The following IL31 variants were observed in gnomAD, a reference collection of about 807,000 sequenced individuals.
IL31 encodes interleukin-31.
A neutral mutation model predicts 7.8 loss-of-function variants in IL31; 8 were observed. That is an observed-to-expected ratio of 1.02 (90% CI 0.60 to 1.84). The LOEUF is 1.84. IL31 is among the 40% of genes most tolerant of loss of function. IL31 has a pLI of 0.00. For missense variants in IL31, 162 were observed against 205.6 expected (o/e 0.79, Z 1.30); for synonymous variants, 87 against 86.5 (o/e 1.01, Z -0.03).
chr12:122,172,325 G>T lies in IL31; in HGVS notation c.*87C>A. 1.1e-6 allele frequency: 1 copy of T among 944,972 alleles called. No homozygotes were observed. Among genetic ancestry groups the T allele is most frequent in the Non-Finnish European group, 1.6e-6 (1 of 612,558 alleles). The allele number at this position is 944,972 out of a possible 1,614,324, so 58.5% of individuals were successfully genotyped here. A position where few individuals can be genotyped will look rare whatever the true frequency, so the allele number is the denominator to read the frequency against. ...TATTCATTGGAAAAATGTACTTAAGGAATCACGGCAGAGTTCCCACACTTA... is the reference window on the plus strand; with the variant it reads ...TATTCATTGGAAAAATGTACTTAAGTAATCACGGCAGAGTTCCCACACTTA... On this transcript the variant is annotated 3_prime_UTR_variant, in exon 3 of 3. Coordinates refer to ENST00000377035, the MANE Select transcript of IL31 (RefSeq NM_001014336.2).
Position 122,172,635 on chromosome 12 carries a change from T to A in IL31, c.272A>T (p.Tyr91Phe). The change falls in exon 3 of 3, where the codon TAT becomes TTT. Residue 91 changes from tyrosine to phenylalanine, a missense_variant. By Grantham distance (22) the Tyr-to-Phe change is conservative (BLOSUM62 3). Transcript: ENST00000377035. ...GTCTAGCTGTCTGATTGTCTTGAGA[T>A]ATGCCCGGATGGCTGGGCTGTGGAT... is the stretch of plus-strand genomic sequence containing the variant. ...NNIHSPAIRAYLKTIRQLDNK... is the reference protein window; with the variant it reads ...NNIHSPAIRAFLKTIRQLDNK... The A allele has an allele frequency of 1.9e-6, 3 of 1,614,192 alleles. No homozygotes were observed. The highest frequency in any genetic ancestry group is 2.5e-6 in the Non-Finnish European group (3 of 1,180,034).
chr12:122,173,238 C>T (rs1449402587), intron 2 of IL31, among the ~76,000 whole-genome samples: 2 of 152,190 alleles, frequency 1.3e-5, no homozygotes, highest in Non-Finnish European at 1.5e-5. Context: ...GCCAGCAGCA[C>T]CTCATCAACC....
Position 122,172,306 on chromosome 12 carries a change from T to A in IL31, c.*106A>T. 1.2e-6 allele frequency: 1 copy of A among 822,102 alleles called. No homozygotes were observed. Among genetic ancestry groups the A allele is most frequent in the Non-Finnish European group, 2.0e-6 (1 of 510,684 alleles). The allele number at this position is 822,102 out of a possible 1,614,324, so 50.9% of individuals were successfully genotyped here. ...TATGAGGGGTCCCTGAGATTATTCA[T>A]TGGAAAAATGTACTTAAGGAATCAC... On this transcript the variant is annotated 3_prime_UTR_variant, in exon 3 of 3. Coordinates refer to ENST00000377035, the MANE Select transcript of IL31 (RefSeq NM_001014336.2).
At chr12:122,173,098 T>C (rs1953503759) in intron 2 of IL31, among the ~76,000 whole-genome samples, 1 of 152,030 alleles carries the variant, frequency 6.6e-6, no homozygotes, top group Admixed American at 6.6e-5. Context: ...GCTCCACTTA[T>C]AAAGGAGAGT....
intron 2 of IL31, among the ~76,000 whole-genome samples, chr12:122,173,310 G>T (rs1424873995): frequency 6.6e-6 from 1 of 152,226 alleles, no homozygotes; most frequent in African/African-American, 2.4e-5. Flanking sequence ...CCAAGGCTAA[G>T]GTCTAAATAC....
Position 122,172,163 on chromosome 12 carries a change from G to A in IL31, c.*249C>T, listed in dbSNP as rs1953490912. 2 of 417,616 alleles carry A rather than the reference G, an allele frequency of 4.8e-6. No individual in the cohort carries two copies. The highest frequency in any genetic ancestry group is 8.6e-6 in the Non-Finnish European group (2 of 231,334). 25.9% of individuals were successfully genotyped at this position (417,616 alleles called of 1,614,324 possible). On this transcript the variant is annotated 3_prime_UTR_variant, in exon 3 of 3. Coordinates refer to ENST00000377035, the MANE Select transcript of IL31 (RefSeq NM_001014336.2). ...TCCCACCCTCACGAGGGTATAATAA[G>A]TAAGACTTAAGCCTGCAGAAGAAAA... is the stretch of plus-strand genomic sequence containing the variant.
chr12:122,172,318 A>T lies in IL31; in HGVS notation c.*94T>A. ...CTGAGATTATTCATTGGAAAAATGT[A>T]CTTAAGGAATCACGGCAGAGTTCCC... On this transcript the variant is annotated 3_prime_UTR_variant, in exon 3 of 3. Coordinates refer to ENST00000377035, the MANE Select transcript of IL31 (RefSeq NM_001014336.2). 1.1e-6 allele frequency: 1 copy of T among 890,208 alleles called. No individual in the cohort carries two copies. Among genetic ancestry groups the T allele is most frequent in the Non-Finnish European group, 1.8e-6 (1 of 565,882 alleles). 55.1% of individuals were successfully genotyped at this position (890,208 alleles called of 1,614,324 possible).
chr12:122,172,390 A>G lies in IL31; in HGVS notation c.*22T>C, dbSNP rs1009968824. The G allele has an allele frequency of 1.6e-5, 25 of 1,568,710 alleles. No homozygotes were observed. Among genetic ancestry groups the G allele is most frequent in the Non-Finnish European group, 2.1e-5 (24 of 1,146,076 alleles). ...TTTTAAGGCTCCTTAAGTTCCTGCC[A>G]ATCCGAAAGGAAGAGATGGCCTTAA... On this transcript the variant is annotated 3_prime_UTR_variant, in exon 3 of 3. Coordinates refer to ENST00000377035, the MANE Select transcript of IL31 (RefSeq NM_001014336.2).
In IL31 at chr12:122,174,218, G is replaced by C. The variant is rs1253251988; in HGVS notation, c.-46C>G. The stretch of plus-strand genomic sequence containing the variant: ...GCTTCAGTGGGGGCTTCTGGAGCCA[G>C]ATGTGTTCGCCATGGCTGCCTGGAG... On this transcript the variant is annotated 5_prime_UTR_variant, in exon 1 of 3. It adds an upstream start codon to the 5' untranslated region. Coordinates refer to ENST00000377035, the MANE Select transcript of IL31 (RefSeq NM_001014336.2). 4 of 1,613,028 alleles carry C rather than the reference G, an allele frequency of 2.5e-6. No homozygotes were observed. In the African/African-American group the frequency reaches 5.3e-5, roughly 22 times the overall value.
chr12:122,173,458 C>T (rs1217962225), intron 2 of IL31, among the ~76,000 whole-genome samples: 1 of 152,122 alleles, frequency 6.6e-6, no homozygotes, highest in Non-Finnish European at 1.5e-5. Flanking sequence ...CCAAGGCAGG[C>T]GGATCACTTG....
chr12:122,174,012 G>A lies in IL31; in HGVS notation c.17-20C>T, dbSNP rs373824671. 132 of 1,613,530 alleles carry A rather than the reference G, an allele frequency of 8.2e-5. No individual in the cohort carries two copies. Among genetic ancestry groups the A allele is most frequent in the Middle Eastern group, 1.6e-4 (1 of 6,074 alleles). Reference sequence around the variant, plus strand: ...AGGGGCCTGGAGAGAGAACGATGCCGTGAGCGCATACATCACACACCCCTG... The same window carrying A: ...AGGGGCCTGGAGAGAGAACGATGCCATGAGCGCATACATCACACACCCCTG... On this transcript the variant is annotated intron_variant, in intron 1 of 2. Transcript: ENST00000377035.
Position 122,172,502 on chromosome 12 carries a change from G to A in IL31, c.405C>T (p.Arg135=), listed in dbSNP as rs141964606. ...ACTGTTGAGAAATAGTCAGGATGAA[G>A]CGTTTACATTCATGGGTGTCTGTTG... The part of the protein sequence containing the change: ...SVPTDTHECK[R]FILTISQQFS... Residue 135 remains arginine, a synonymous_variant, in exon 3 of 3, where the codon CGC becomes CGT. Coordinates refer to ENST00000377035, the MANE Select transcript of IL31 (RefSeq NM_001014336.2). The A allele has an allele frequency of 6.2e-7, 1 of 1,614,046 alleles. No homozygotes were observed. Among genetic ancestry groups the A allele is most frequent in the Non-Finnish European group, 8.5e-7 (1 of 1,179,984 alleles).
chr12:122,173,228 G>T (rs1223369072), intron 2 of IL31, among the ~76,000 whole-genome samples: 1 of 152,052 alleles, frequency 6.6e-6, no homozygotes, highest in Non-Finnish European at 1.5e-5. Flanking sequence ...AGACCAAATT[G>T]CCAGCAGCAC....
At position 122,172,671 on chromosome 12, in the gene IL31, G is replaced by T; in HGVS notation, c.236C>A (p.Pro79Gln). ...GGCTGGGCTGTGGATGTTGTTTGGC[G>T]GCTGGGCGTCAGGGCTGAGACACGG... ...TLPCLSPDAQ[P>Q]PNNIHSPAIR... The change falls in exon 3 of 3, where the codon CCG becomes CAG. Residue 79 changes from proline to glutamine, a missense_variant. Pro to Gln is a moderately conservative substitution (Grantham distance 76). Transcript: ENST00000377035. The T allele has an allele frequency of 6.2e-7, 1 of 1,614,056 alleles. No individual in the cohort carries two copies. Among genetic ancestry groups the T allele is most frequent in the Non-Finnish European group, 8.5e-7 (1 of 1,180,010 alleles).
In IL31 at chr12:122,173,836, A is replaced by G. The variant is rs6489173; in HGVS notation, c.165+8T>C. 1 allele frequency: 1,612,082 copies of G among 1,612,220 alleles called. 805,972 individuals carry two copies. The highest frequency in any genetic ancestry group is 1 in the East Asian group (44,870 of 44,870). On this transcript the variant is annotated splice_region_variant and intron_variant, in intron 2 of 2. Coordinates refer to ENST00000377035, the MANE Select transcript of IL31 (RefSeq NM_001014336.2). The stretch of plus-strand genomic sequence containing the variant: ...ATCGTTTAGAAAAGAAATCTCTAGG[A>G]CACTCACATCTTTCAAAAGCATCTT...
chr12:122,174,021 T>A, intron 1 of IL31, 29 bp from the exon 2 acceptor site: 1 of 1,613,588 alleles, frequency 6.2e-7, no homozygotes, highest in Non-Finnish European at 8.5e-7. Flanking sequence ...CGTGAGCGCA[T>A]ACATCACACA....
Position 122,174,181 on chromosome 12 carries a change from A to G in IL31, c.-9T>C. 1 of 1,614,128 alleles carries G rather than the reference A, an allele frequency of 6.2e-7. No individual in the cohort carries two copies. Among genetic ancestry groups the G allele is most frequent in the Middle Eastern group, 1.7e-4 (1 of 6,040 alleles). On this transcript the variant is annotated 5_prime_UTR_variant, in exon 1 of 3. Transcript: ENST00000377035. The stretch of plus-strand genomic sequence containing the variant: ...CCTGAGTGAGAGGCCATGGCGAGAG[A>G]GAGCAAGGCCAGCTTCAGTGGGGGC...
At position 122,172,469 on chromosome 12, in the gene IL31, C is replaced by T; in HGVS notation, c.438G>A (p.Glu146=). 1 of 1,614,206 alleles carries T rather than the reference C, an allele frequency of 6.2e-7. No homozygotes were observed. Among genetic ancestry groups the T allele is most frequent in the South Asian group, 1.1e-5 (1 of 91,082 alleles). ...FILTISQQFS[E]CMDLALKSLT... ...ATGATTTTAGTGCGAGGTCCATGCA[C>T]TCTGAAAACTGTTGAGAAATAGTCA... Residue 146 remains glutamate, a synonymous_variant, in exon 3 of 3, where the codon GAG becomes GAA. Transcript: ENST00000377035.
At position 122,172,190 on chromosome 12, in the gene IL31, C is replaced by G. The variant is rs116179942; in HGVS notation, c.*222G>C. The G allele has an allele frequency of 4.9e-4, 237 of 487,502 alleles. 1 individual carries two copies. Among genetic ancestry groups the G allele is most frequent in the African/African-American group, 4.2e-3 (219 of 51,778 alleles). 30.2% of individuals were successfully genotyped at this position (487,502 alleles called of 1,614,324 possible). On this transcript the variant is annotated 3_prime_UTR_variant, in exon 3 of 3. Coordinates refer to ENST00000377035, the MANE Select transcript of IL31 (RefSeq NM_001014336.2). ...AAGACTTAAGCCTGCAGAAGAAAAG[C>G]ATTCCATAAATACCAAGACTAATAA...
Sources: allele counts gnomAD v4.1 joint callset (sites outside exome capture counted in the v4.1 genomes callset), GRCh38; gene constraint gnomAD v4.1.1; transcripts MANE v1.5; gene names NCBI Gene and HGNC (gene_info 2026-07-23, HGNC 2026-07-21).